Variants in WDR17 observed in about 807,000 individuals in gnomAD.
The protein encoded by WDR17 is WD repeat-containing protein 17.
Under a neutral mutation model 161.7 loss-of-function variants are expected in WDR17, and 143 were observed. That is an observed-to-expected ratio of 0.88 (90% CI 0.77 to 1.02). The LOEUF is 1.02. Among genes scored for constraint, WDR17 ranks in the 50% least tolerant of loss-of-function variants. The probability of loss-of-function intolerance (pLI) is 0.00; values close to 1 mark genes in which losing one functional copy is unlikely to be tolerated. For synonymous variants in WDR17, 517 were observed against 515.6 expected (o/e 1.00, Z -0.04); for missense variants, 1,469 against 1,520.9 (o/e 0.97, Z 0.57).
At chr4:176,087,444 T>C (rs970768653) in intron 1 of WDR17, among the ~76,000 whole-genome samples, 4 of 152,136 alleles carry the variant, frequency 2.6e-5, no homozygotes, top group African/African-American at 9.7e-5. Flanking sequence ...CTTTTTGTGG[T>C]TTCTGGCATT....
chr4:176,095,186 A>G (rs116807846), intron 1 of WDR17, among the ~76,000 whole-genome samples: 263 of 152,284 alleles, frequency 1.7e-3, no homozygotes, highest in African/African-American at 6.1e-3. Flanking sequence ...GACAACAATG[A>G]AGAGAGGACA....
chr4:176,155,956 G>T, intron 17 of WDR17, 123 bp from the exon 18 acceptor site: 1 of 826,856 alleles, frequency 1.2e-6, no homozygotes, highest in South Asian at 1.8e-5. Context: ...ACCAAATCAG[G>T]ACTCAAGAAC....
At chr4:176,091,217 C>A (rs1421386722) in intron 1 of WDR17, among the ~76,000 whole-genome samples, 2 of 152,162 alleles carry the variant, frequency 1.3e-5, no homozygotes, top group Non-Finnish European at 2.9e-5. Flanking sequence ...CCAACACATG[C>A]ATCATTTATA....
intron 22 of WDR17, among the ~76,000 whole-genome samples, chr4:176,167,868 C>G (rs928983094): frequency 1.3e-5 from 2 of 151,674 alleles, no homozygotes; most frequent in African/African-American, 4.8e-5. Flanking sequence ...GTAAATAGGC[C>G]GGTCTCGGTG....
At chr4:176,094,989 G>A (rs1052898266) in intron 1 of WDR17, among the ~76,000 whole-genome samples, 9 of 152,102 alleles carry the variant, frequency 5.9e-5, no homozygotes, top group Admixed American at 4.6e-4. Context: ...CAGGTAGCTC[G>A]AAATGGAGTT....
chr4:176,121,614 G>A (rs923619282), intron 4 of WDR17, among the ~76,000 whole-genome samples: 5 of 151,968 alleles, frequency 3.3e-5, no homozygotes, highest in African/African-American at 4.8e-5. Flanking sequence ...TACATTTTGT[G>A]ATTTGTCATT....
At position 176,168,704 on chromosome 4, in the gene WDR17, C is replaced by T. The variant is rs1750252182; in HGVS notation, c.3023C>T (p.Pro1008Leu). Residue 1008 changes from proline (P) to leucine (L), a missense_variant, in exon 23 of 29, where the codon CCT (proline) becomes CTT (leucine). By Grantham distance (98) the Pro-to-Leu change is moderately conservative. Transcript: ENST00000508596. ...GCAGCTGATCTTCTTCTGATGATTCCTGATAATGAACTACATTTAATAAAA... is the reference window on the plus strand; with the variant it reads ...GCAGCTGATCTTCTTCTGATGATTCTTGATAATGAACTACATTTAATAAAA... The part of the protein sequence containing the change: ...NLAADLLLMI[P>L]DNELHLIKLC... 6.2e-7 allele frequency: 1 copy of T among 1,613,390 alleles called. No individual in the cohort carries two copies. Among genetic ancestry groups the T allele is most frequent in the Admixed American group, 1.7e-5 (1 of 59,978 alleles).
chr4:176,141,301 T>C (rs1358388242), intron 10 of WDR17, among the ~76,000 whole-genome samples: 2 of 152,176 alleles, frequency 1.3e-5, no homozygotes, highest in African/African-American at 4.8e-5. Context: ...TAAAACCAAC[T>C]TCATAAATAG....
chr4:176,178,030 A>T (rs893913383), intron 28 of WDR17, among the ~76,000 whole-genome samples: 19 of 121,210 alleles, frequency 1.6e-4, no homozygotes, highest in Non-Finnish European at 3.3e-4. Flanking sequence ...AAAAAAAAAA[A>T]AGATCCCACC....
intron 9 of WDR17, among the ~76,000 whole-genome samples, chr4:176,139,654 G>T (rs1271044041): frequency 6.6e-6 from 1 of 151,894 alleles, no homozygotes; most frequent in East Asian, 1.9e-4. Context: ...AAAAGAAATG[G>T]AGCCACCTGA....
chr4:176,138,487 T>C (rs1257191309), intron 9 of WDR17, among the ~76,000 whole-genome samples: 5 of 151,740 alleles, frequency 3.3e-5, no homozygotes, highest in Admixed American at 6.6e-5. Flanking sequence ...CAAAGGATTA[T>C]AAAAGTTACA....
At chr4:176,101,353 G>C (rs544983810) in intron 1 of WDR17, among the ~76,000 whole-genome samples, 15 of 152,014 alleles carry the variant, frequency 9.9e-5, no homozygotes, top group Non-Finnish European at 1.5e-4. Flanking sequence ...CATTACTAAA[G>C]GCCTATTTAC....
intron 1 of WDR17, among the ~76,000 whole-genome samples, chr4:176,092,466 T>C (rs992169817): frequency 6.6e-6 from 1 of 152,060 alleles, no homozygotes; most frequent in Non-Finnish European, 1.5e-5. Flanking sequence ...GCTATATACA[T>C]ACTGAATGGG....
At chr4:176,136,619 T>C (rs1467944090) in intron 8 of WDR17, among the ~76,000 whole-genome samples, 1 of 151,574 alleles carries the variant, frequency 6.6e-6, no homozygotes, top group Non-Finnish European at 1.5e-5. Context: ...GTGGGGATGA[T>C]ATTTAAAAGA....
At chr4:176,104,441 T>C (rs557777019) in intron 1 of WDR17, among the ~76,000 whole-genome samples, 1 of 152,204 alleles carries the variant, frequency 6.6e-6, no homozygotes, top group Admixed American at 6.5e-5. Context: ...TAAAAATTCT[T>C]AGTATACAAG....
intron 5 of WDR17, 124 bp downstream of exon 5, chr4:176,125,479 T>C: frequency 8.6e-7 from 1 of 1,161,356 alleles, no homozygotes; most frequent in Non-Finnish European, 1.2e-6. Context: ...TATTATTTAT[T>C]GTAGTAAATT....
chr4:176,148,259 C>T lies in WDR17; in HGVS notation c.1821C>T (p.Asp607=). 6.2e-7 allele frequency: 1 copy of T among 1,613,736 alleles called. No homozygotes were observed. The change falls in exon 13 of 29, where the codon GAC becomes GAT. Residue 607 remains aspartate, a synonymous_variant. Coordinates refer to ENST00000508596, the MANE Select transcript of WDR17 (RefSeq NM_181265.4). ...ATCTGCTCATATCTGGCAGCTGGGA[C>T]TATACTATAAAAGTATGGGACACTC... is the stretch of plus-strand genomic sequence containing the variant. ...IPYLLISGSW[D]YTIKVWDTRE...
Position 176,142,003 on chromosome 4 carries a change from G to T in WDR17, c.1463G>T (p.Gly488Val). ...DGFCIIRTIDGKVLHKYKHPA... is the reference protein window; with the variant it reads ...DGFCIIRTIDVKVLHKYKHPA... ...TCTAGTATTATTCGAACAATTGATG[G>T]TAAAGTGCTACACAAATATAAACAT... is the stretch of plus-strand genomic sequence containing the variant. The change falls in exon 11 of 29, where the codon GGT becomes GTT. Residue 488 changes from glycine (G) to valine (V), a missense_variant. Gly to Val is a moderately radical substitution (Grantham distance 109). Coordinates refer to ENST00000508596, the MANE Select transcript of WDR17 (RefSeq NM_181265.4). The T allele has an allele frequency of 1.2e-6, 2 of 1,602,650 alleles. No homozygotes were observed. Among genetic ancestry groups the T allele is most frequent in the Non-Finnish European group, 1.7e-6 (2 of 1,173,398 alleles).
intron 1 of WDR17, among the ~76,000 whole-genome samples, chr4:176,096,033 T>C (rs768262700): frequency 1.3e-5 from 2 of 152,132 alleles, no homozygotes; most frequent in Non-Finnish European, 1.5e-5. Context: ...AACTGTCAAC[T>C]ATGGGGCTGG....
Sources: gnomAD v4.1 joint callset for allele counts (sites outside exome capture counted in the v4.1 genomes callset) on GRCh38, gnomAD v4.1.1 for gene constraint, MANE v1.5 for transcripts, NCBI Gene and HGNC (gene_info 2026-07-23, HGNC 2026-07-21) for gene names.